EYA3: variants seen among roughly 807,000 people sequenced by gnomAD.
EYA3 encodes EYA transcriptional coactivator and phosphatase 3.
A neutral mutation model predicts 80.0 loss-of-function variants in EYA3; 39 were observed. The observed-to-expected ratio is 0.49, with a 90% confidence interval of 0.38 to 0.64. The LOEUF (loss-of-function observed/expected upper bound fraction) is 0.64. Ranked by LOEUF, EYA3 falls within the 30% of genes least tolerant of loss-of-function variation. The pLI is 0.00. For synonymous variants in EYA3, 206 were observed against 232.8 expected (o/e 0.88, Z 1.05); for missense variants, 523 against 676.1 (o/e 0.77, Z 2.51).
At chr1:28,005,542 C>T (rs1641201509) in intron 10 of EYA3, among the ~76,000 whole-genome samples, 1 of 151,872 alleles carries the variant, frequency 6.6e-6, no homozygotes, top group Non-Finnish European at 1.5e-5. Context: ...GGCAAAACAC[C>T]GTCTCTACAA....
intron 15 of EYA3, 74 bp downstream of exon 15, chr1:27,989,623 G>T (rs1639897618): frequency 2.1e-6 from 2 of 942,750 alleles, no homozygotes; most frequent in African/African-American, 1.7e-5. Context: ...CTATTTTAGA[G>T]AATGGCTTAT....
In EYA3 at chr1:27,989,685, C is replaced by G; in HGVS notation, c.1418+12G>C. On this transcript the variant is annotated intron_variant, in intron 15 of 17. Coordinates refer to ENST00000373871, the MANE Select transcript of EYA3 (RefSeq NM_001990.4). ...GCTGAGAGGATGAGACCTAAAAGAA[C>G]CATTTCCATACCTGGACTGGATGAG... 6.4e-7 allele frequency: 1 copy of G among 1,554,334 alleles called. No individual in the cohort carries two copies. The highest frequency in any genetic ancestry group is 8.8e-7 in the Non-Finnish European group (1 of 1,130,882).
At chr1:28,063,352 C>CTTTTTT (rs371840536) in intron 1 of EYA3, among the ~76,000 whole-genome samples, 8 of 93,552 alleles carry the variant, frequency 8.6e-5, no homozygotes, top group African/African-American at 1.4e-4. Context: ...TAACTAAAAC[C>CTTTTTT]TTTTTTTTTT....
intron 10 of EYA3, among the ~76,000 whole-genome samples, chr1:28,006,170 G>T (rs1437319714): frequency 6.6e-6 from 1 of 151,808 alleles, no homozygotes; most frequent in East Asian, 1.9e-4. Context: ...AAGGATGTAA[G>T]GATGGTTCAT....
chr1:27,980,189 G>C (rs1450077948), intron 16 of EYA3, among the ~76,000 whole-genome samples: 3 of 152,200 alleles, frequency 2.0e-5, no homozygotes, highest in African/African-American at 7.2e-5. Context: ...GAGGACTGTA[G>C]TCCAGGTCTT....
At chr1:28,045,348 T>C (rs914404967) in intron 3 of EYA3, among the ~76,000 whole-genome samples, 2 of 152,134 alleles carry the variant, frequency 1.3e-5, no homozygotes, top group Non-Finnish European at 2.9e-5. Context: ...CCTACTTACA[T>C]AGAATTACCA....
In EYA3 at chr1:28,027,877, T is replaced by A. The variant is rs773912187; in HGVS notation, c.411A>T (p.Pro137=). The change falls in exon 7 of 18, where the codon CCA becomes CCT. Residue 137 remains proline, a synonymous_variant. Transcript: ENST00000373871. ...MKPESGLIQT[P]SPSQHSVLTC... is the part of the protein sequence containing the mutation. ...TAAGAACACTGTGTTGACTTGGAGA[T>A]GGAGTCTGAATTAAACCACTTTCAG... 6.2e-7 allele frequency: 1 copy of A among 1,614,166 alleles called. No individual in the cohort carries two copies. The highest frequency in any genetic ancestry group is 8.5e-7 in the Non-Finnish European group (1 of 1,180,014).
At position 27,993,484 on chromosome 1, in the gene EYA3, C is replaced by T. The variant is rs758997038; in HGVS notation, c.1219G>A (p.Gly407Arg). ...AGTTTCCTCATCCAGTCCACACCTC[C>T]CTGAACACCCACAGATGAACCATGG... Reference protein sequence around the residue: ...GSHGSSVGVQGGVDWMRKLAF... With the variant: ...GSHGSSVGVQRGVDWMRKLAF... Residue 407 changes from glycine (G) to arginine (R), a missense_variant, in exon 14 of 18, where the codon GGA becomes AGA. By Grantham distance (125) the Gly-to-Arg change is moderately radical. Coordinates refer to ENST00000373871, the MANE Select transcript of EYA3 (RefSeq NM_001990.4). 2 of 1,613,562 alleles carry T rather than the reference C, an allele frequency of 1.2e-6. No individual in the cohort carries two copies. Among genetic ancestry groups the T allele is most frequent in the Admixed American group, 3.3e-5 (2 of 59,884 alleles).
intron 1 of EYA3, among the ~76,000 whole-genome samples, chr1:28,085,471 A>G (rs776732432): frequency 2.0e-5 from 3 of 152,222 alleles, no homozygotes; most frequent in Non-Finnish European, 2.9e-5. Flanking sequence ...AAAAAAACAA[A>G]CAAACAAACA....
intron 1 of EYA3, among the ~76,000 whole-genome samples, chr1:28,062,660 GT>G (rs1644675531): frequency 7.4e-6 from 1 of 134,766 alleles, no homozygotes; most frequent in East Asian, 2.6e-4. Context: ...ATATGTAGGT[GT>G]GTGTGTGTGT....
chr1:28,076,737 C>CTTTT (rs1024335865), intron 1 of EYA3, among the ~76,000 whole-genome samples: 49 of 115,090 alleles, frequency 4.3e-4, no homozygotes, highest in Non-Finnish European at 5.8e-4. Flanking sequence ...TTTATAATTT[C>CTTTT]TTTTTTTTTT....
chr1:28,003,070 C>T (rs888251442), intron 11 of EYA3, among the ~76,000 whole-genome samples: 3 of 141,704 alleles, frequency 2.1e-5, no homozygotes, highest in Admixed American at 7.4e-5. Flanking sequence ...TCCTGGCTAA[C>T]ACGGTGAAAC....
At chr1:28,004,046 A>G (rs927255315) in intron 11 of EYA3, among the ~76,000 whole-genome samples, 2 of 152,202 alleles carry the variant, frequency 1.3e-5, no homozygotes, top group African/African-American at 4.8e-5. Flanking sequence ...ACTCTGCTCT[A>G]TTTTGAGCCT....
intron 1 of EYA3, among the ~76,000 whole-genome samples, chr1:28,065,214 G>A (rs1333853091): frequency 4.6e-5 from 7 of 152,194 alleles, no homozygotes; most frequent in Admixed American, 1.3e-4. Flanking sequence ...AGAAAAACTA[G>A]CATGAATTTC....
At chr1:28,038,773 A>G (rs1643608182) in intron 5 of EYA3, 66 bp downstream of exon 5, 1 of 878,164 alleles carries the variant, frequency 1.1e-6, no homozygotes, top group Non-Finnish European at 1.8e-6. Flanking sequence ...AGGAAAAATA[A>G]TATTAAATTT....
chr1:27,982,059 T>G (rs1639341480), intron 16 of EYA3, among the ~76,000 whole-genome samples: 1 of 147,728 alleles, frequency 6.8e-6, no homozygotes. Flanking sequence ...CAGACTGGAG[T>G]GCAGTGGCGT....
intron 1 of EYA3, among the ~76,000 whole-genome samples, chr1:28,072,970 A>C (rs1213858816): frequency 2.0e-5 from 3 of 151,034 alleles, no homozygotes; most frequent in Admixed American, 6.6e-5. Flanking sequence ...AAAAGCCTAC[A>C]TATTGTATAA....
chr1:28,006,920 G>C (rs1051907634), intron 10 of EYA3, among the ~76,000 whole-genome samples: 1 of 146,184 alleles, frequency 6.8e-6, no homozygotes, highest in Non-Finnish European at 1.5e-5. Flanking sequence ...TTATCTGTTT[G>C]CAGATGACAT....
At chr1:28,046,531 T>C (rs1057267219) in intron 3 of EYA3, among the ~76,000 whole-genome samples, 6 of 150,936 alleles carry the variant, frequency 4.0e-5, no homozygotes, top group Non-Finnish European at 7.4e-5. Flanking sequence ...AGGGAGAAGG[T>C]AGGGGGCAAG....
Sources: gnomAD v4.1 joint callset for allele counts (sites outside exome capture counted in the v4.1 genomes callset) on GRCh38, gnomAD v4.1.1 for gene constraint, MANE v1.5 for transcripts, NCBI Gene and HGNC (gene_info 2026-07-23, HGNC 2026-07-21) for gene names.